The following STX11 variants were observed in gnomAD, a reference collection of about 807,000 sequenced individuals.
The protein encoded by STX11 is syntaxin 11, also known as syntaxin-11.
Under a neutral mutation model 19.9 loss-of-function variants are expected in STX11, and 21 were observed. The observed-to-expected ratio is 1.06, with a 90% CI of 0.75 to 1.52. The LOEUF is 1.52. Ranked by LOEUF, STX11 falls within the 40% of genes most tolerant of loss-of-function variation. The probability of loss-of-function intolerance (pLI) is 0.00; values close to 1 mark genes in which losing one functional copy is unlikely to be tolerated. For synonymous variants in STX11, 193 were observed against 174.4 expected (o/e 1.11, Z -0.84); for missense variants, 438 against 405.9 (o/e 1.08, Z -0.68).
chr6:144,157,241 AGGGAGG>A (rs1801195576), intron 1 of STX11, among the ~76,000 whole-genome samples: 1 of 152,222 alleles, frequency 6.6e-6, no homozygotes, highest in Admixed American at 6.5e-5. Flanking sequence ...CGGCCTCAAC[AGGGAGG>A]AGCTTGGAAG....
intron 1 of STX11, among the ~76,000 whole-genome samples, chr6:144,168,583 C>T (rs1039474879): frequency 6.6e-6 from 1 of 152,138 alleles, no homozygotes; most frequent in African/African-American, 2.4e-5. Context: ...GTAAGGAGGT[C>T]ATACATCATT....
intron 1 of STX11, among the ~76,000 whole-genome samples, chr6:144,179,078 G>A (rs1202347488): frequency 6.6e-6 from 1 of 152,170 alleles, no homozygotes; most frequent in Non-Finnish European, 1.5e-5. Context: ...GTGAGGCAAT[G>A]GTGAGGCATG....
At position 144,187,508 on chromosome 6, in the gene STX11, G is replaced by A. The variant is rs762411019; in HGVS notation, c.*17G>A. On this transcript the variant is annotated 3_prime_UTR_variant, in exon 2 of 2. Coordinates refer to ENST00000367568, the MANE Select transcript of STX11 (RefSeq NM_003764.4). This position sits in a 1 kb window ranked among gnomAD's most constrained non-coding sequence, Gnocchi z 5.6. ...CTCAAGTAGCAGGCCGGCCCGGGCC[G>A]CCACCGCCCATCCCAGACCATGGAG... is the stretch of plus-strand genomic sequence containing the variant. 5.6e-6 allele frequency: 9 copies of A among 1,611,412 alleles called. No homozygotes were observed. The East Asian group carries it at 1.6e-4, about 28-fold the overall frequency.
chr6:144,190,727 T>C lies in STX11; in HGVS notation c.*3236T>C, dbSNP rs1275080909. On this transcript the variant is annotated 3_prime_UTR_variant, in exon 2 of 2. Transcript: ENST00000367568. ...CAGCTGTTCTGCTCAGCTTGGCAGG[T>C]GTTCTTTCCTAATTCTTCCCAAGCT... 6.6e-6 allele frequency among the ~76,000 whole-genome samples: 1 copy of C among 152,018 alleles called. No homozygotes were observed. Among genetic ancestry groups the C allele is most frequent in the Non-Finnish European group, 1.5e-5 (1 of 68,006 alleles).
chr6:144,175,824 G>A lies in STX11; in HGVS notation c.-5-10799G>A, dbSNP rs962449538. Among the ~76,000 whole-genome samples the A allele has an allele frequency of 6.6e-6, 1 of 152,216 alleles. No individual in the cohort carries two copies. The highest frequency in any genetic ancestry group is 2.4e-5 in the African/African-American group (1 of 41,442). ...GACTTCCACACCCGTGGAGAAATAA[G>A]AAAGGAAAAGCAGTCAGAGGCCAAA... is the stretch of plus-strand genomic sequence containing the variant. On this transcript the variant is annotated intron_variant, in intron 1 of 1. Transcript: ENST00000367568. The surrounding 1 kb of genome is among the most constrained non-coding windows in gnomAD (Gnocchi z 5.1).
chr6:144,145,751 G>A (rs149192787), upstream of STX11, among the ~76,000 whole-genome samples: 373 of 152,308 alleles, frequency 2.4e-3, 3 homozygotes, highest in Middle Eastern at 0.01. Context: ...CTGAGTTAGA[G>A]AGATGTTAGT....
chr6:144,147,153 A>T (rs1202001082), upstream of STX11, among the ~76,000 whole-genome samples: 1 of 149,536 alleles, frequency 6.7e-6, no homozygotes, highest in African/African-American at 2.5e-5. The surrounding 1 kb of genome is among the most constrained non-coding windows in gnomAD (Gnocchi z 4.2). Flanking sequence ...ACAAACATGT[A>T]TAGCTTCTAA....
At chr6:144,141,523 TGA>T in the STX11 span, among the ~76,000 whole-genome samples, 1 of 152,246 alleles carries the variant, frequency 6.6e-6, no homozygotes, top group Non-Finnish European at 1.5e-5. Flanking sequence ...TGCTTTTCTG[TGA>T]GAGTTATCTG....
rs146646927 is a variant in STX11 at position 144,154,835 on chromosome 6, A to G, written c.-6+4132A>G. ...CCTGTCCTCTTGATTTTAACTTGGC[A>G]AAATGATTCAAGTATCTTGCATTCA... is the stretch of plus-strand genomic sequence containing the variant. On this transcript the variant is annotated intron_variant, in intron 1 of 1. Transcript: ENST00000367568. This position sits in a 1 kb window ranked among gnomAD's most constrained non-coding sequence, Gnocchi z 4.7. Among the ~76,000 whole-genome samples the G allele has an allele frequency of 5.6e-4, 85 of 152,304 alleles. No homozygotes were observed. In the East Asian group the frequency reaches 0.012, roughly 21 times the overall value.
rs1191951653 is a variant in STX11 at position 144,174,415 on chromosome 6, G to A, written c.-5-12208G>A. 6.6e-6 allele frequency among the ~76,000 whole-genome samples: 1 copy of A among 152,014 alleles called. No homozygotes were observed. Among genetic ancestry groups the A allele is most frequent in the Non-Finnish European group, 1.5e-5 (1 of 68,012 alleles). On this transcript the variant is annotated intron_variant, in intron 1 of 1. Coordinates refer to ENST00000367568, the MANE Select transcript of STX11 (RefSeq NM_003764.4). The surrounding 1 kb of genome is among the most constrained non-coding windows in gnomAD (Gnocchi z 5.3). ...GAGACAGGGTCACGCTGTCATCCAG[G>A]CTGGAGTGCAGTGGTGTGATCTTAG...
chr6:144,160,720 T>A lies in STX11; in HGVS notation c.-6+10017T>A, dbSNP rs74338175. ...TGGAGTTATGTAATCCTCTGCTGTGTCCCATTCAAGTGGATAAACATATCC... is the reference window on the plus strand; with the variant it reads ...TGGAGTTATGTAATCCTCTGCTGTGACCCATTCAAGTGGATAAACATATCC... On this transcript the variant is annotated intron_variant, in intron 1 of 1. Coordinates refer to ENST00000367568, the MANE Select transcript of STX11 (RefSeq NM_003764.4). The surrounding 1 kb of genome is among the most constrained non-coding windows in gnomAD (Gnocchi z 4.3). Among the ~76,000 whole-genome samples the A allele has an allele frequency of 5.9e-3, 896 of 152,216 alleles. 36 individuals carry two copies. In the East Asian group the frequency reaches 0.11, roughly 19 times the overall value.
intron 1 of STX11, among the ~76,000 whole-genome samples, chr6:144,179,340 A>G (rs1801849466): frequency 6.6e-6 from 1 of 152,216 alleles, no homozygotes; most frequent in Non-Finnish European, 1.5e-5. Flanking sequence ...GAGCCAAACC[A>G]TATCACCCTC....
upstream of STX11, among the ~76,000 whole-genome samples, chr6:144,147,834 A>T (rs1175351945): frequency 6.6e-6 from 1 of 152,138 alleles, no homozygotes; most frequent in Non-Finnish European, 1.5e-5. The surrounding 1 kb of genome is among the most constrained non-coding windows in gnomAD (Gnocchi z 4.2). Context: ...TGAGCAGGGG[A>T]GGTCGAGGCT....
rs1331354167 is a variant in STX11, at chr6:144,152,068, G to C, written c.-6+1365G>C. Among the ~76,000 whole-genome samples the C allele has an allele frequency of 6.6e-6, 1 of 152,016 alleles. No homozygotes were observed. Reference sequence around the variant, plus strand: ...CAACCATGAATAATAGGATCCTGCCGGCAAGGTACTAGGGTAAATCTATAC... The same window carrying C: ...CAACCATGAATAATAGGATCCTGCCCGCAAGGTACTAGGGTAAATCTATAC... On this transcript the variant is annotated intron_variant, in intron 1 of 1. Transcript: ENST00000367568. The surrounding 1 kb of genome is among the most constrained non-coding windows in gnomAD (Gnocchi z 4.9).
Position 144,188,490 on chromosome 6 carries a change from A to G in STX11, c.*999A>G, listed in dbSNP as rs1191713376. On this transcript the variant is annotated 3_prime_UTR_variant, in exon 2 of 2. Transcript: ENST00000367568. ...AACTCTGCATTGGTTATGGCGGTAG[A>G]CATATGGCGGTAGAAAATGTATACG... 4.5e-6 allele frequency: 1 copy of G among 220,580 alleles called. No homozygotes were observed. Among genetic ancestry groups the G allele is most frequent in the Non-Finnish European group, 9.9e-6 (1 of 101,076 alleles). 13.7% of individuals were successfully genotyped at this position (220,580 alleles called of 1,614,324 possible). A position where few individuals can be genotyped will look rare whatever the true frequency, so the allele number is the denominator to read the frequency against.
At chr6:144,186,546 T>A (rs1802039406) in intron 1 of STX11, 77 bp from the exon 2 acceptor site, 1 of 1,595,518 alleles carries the variant, frequency 6.3e-7, no homozygotes, top group African/African-American at 1.3e-5. Flanking sequence ...CTGAGTAAAA[T>A]GTTTAAGTTT....
At chr6:144,163,817 A>T (rs1444646318) in intron 1 of STX11, among the ~76,000 whole-genome samples, 1 of 152,016 alleles carries the variant, frequency 6.6e-6, no homozygotes, top group East Asian at 1.9e-4. Context: ...GTGGTGGCAC[A>T]TGGCTTGTAG....
In STX11 at chr6:144,169,871, C is replaced by G. The variant is rs186066640; in HGVS notation, c.-5-16752C>G. On this transcript the variant is annotated intron_variant, in intron 1 of 1. Transcript: ENST00000367568. The surrounding 1 kb of genome is among the most constrained non-coding windows in gnomAD (Gnocchi z 5.2). ...TGGCTTTTGTTTGTTTTTTGTAGAGCCATAGTCTCACTATGTTGCTAGTAT... is the reference window on the plus strand; with the variant it reads ...TGGCTTTTGTTTGTTTTTTGTAGAGGCATAGTCTCACTATGTTGCTAGTAT... 1.7e-3 allele frequency among the ~76,000 whole-genome samples: 259 copies of G among 152,096 alleles called. 1 individual carries two copies. Among genetic ancestry groups the G allele is most frequent in the Non-Finnish European group, 3.1e-3 (209 of 67,992 alleles).
intron 1 of STX11, among the ~76,000 whole-genome samples, chr6:144,178,498 A>G (rs574103604): frequency 6.6e-6 from 1 of 152,346 alleles, no homozygotes; most frequent in African/African-American, 2.4e-5. Context: ...CTGTTTATCA[A>G]CTGTGCATAT....
Sources: allele counts gnomAD v4.1 joint callset (sites outside exome capture counted in the v4.1 genomes callset), GRCh38; gene constraint gnomAD v4.1.1; non-coding constraint Gnocchi (gnomAD v3.1); transcripts MANE v1.5; gene names NCBI Gene and HGNC (gene_info 2026-07-23, HGNC 2026-07-21).